ATRNL1: variants seen among roughly 807,000 people sequenced by gnomAD.
The protein encoded by ATRNL1 is attractin-like protein 1.
In ATRNL1, 95 loss-of-function variants were observed where a neutral mutation model predicts 182.7. That is an observed-to-expected ratio of 0.52 (90% CI 0.44 to 0.62). The LOEUF (loss-of-function observed/expected upper bound fraction) is 0.62, where lower values mean the gene tolerates loss of function less well. ATRNL1 is among the 20% of genes least tolerant of loss of function. The probability of loss-of-function intolerance (pLI) is 0.00; values close to 1 mark genes in which losing one functional copy is unlikely to be tolerated. For synonymous variants in ATRNL1, 576 were observed against 568.3 expected (o/e 1.01, Z -0.19); for missense variants, 1,471 against 1,679.5 (o/e 0.88, Z 2.17).
At chr10:115,193,941 A>G (rs553270376) in intron 8 of ATRNL1, among the ~76,000 whole-genome samples, 5 of 151,676 alleles carry the variant, frequency 3.3e-5, no homozygotes, top group African/African-American at 9.7e-5. Flanking sequence ...TTTTCTTCTG[A>G]ATTTCTTCAT....
intron 27 of ATRNL1, among the ~76,000 whole-genome samples, chr10:115,836,928 C>G (rs782411421): frequency 1.1e-4 from 17 of 152,020 alleles, no homozygotes; most frequent in Non-Finnish European, 1.8e-4. Flanking sequence ...GTGGGCGCCA[C>G]CCAATGACAG....
At chr10:115,765,399 T>G (rs897389074) in intron 27 of ATRNL1, among the ~76,000 whole-genome samples, 1 of 152,224 alleles carries the variant, frequency 6.6e-6, no homozygotes, top group Non-Finnish European at 1.5e-5. Context: ...CTGTTTTACT[T>G]TGCATTTCTC....
intron 27 of ATRNL1, among the ~76,000 whole-genome samples, chr10:115,818,463 A>G (rs1421482137): frequency 2.6e-5 from 4 of 152,102 alleles, no homozygotes; most frequent in African/African-American, 7.2e-5. Flanking sequence ...AATGTTTCAT[A>G]GTTTTATTAT....
chr10:115,572,996 G>A (rs1555003920), intron 26 of ATRNL1, among the ~76,000 whole-genome samples: 2 of 152,126 alleles, frequency 1.3e-5, no homozygotes, highest in South Asian at 2.1e-4. Flanking sequence ...CCCCAGTTTT[G>A]CAAAGCTCTT....
At chr10:115,686,497 C>A (rs1334519304) in intron 26 of ATRNL1, among the ~76,000 whole-genome samples, 1 of 151,982 alleles carries the variant, frequency 6.6e-6, no homozygotes, top group Non-Finnish European at 1.5e-5. Flanking sequence ...ATTTTTAGAA[C>A]ACTAACAAAA....
At chr10:115,116,914 A>G (rs1166053462) in intron 1 of ATRNL1, among the ~76,000 whole-genome samples, 1 of 151,968 alleles carries the variant, frequency 6.6e-6, no homozygotes, top group African/African-American at 2.4e-5. Flanking sequence ...GTTGAATAGG[A>G]CGGGACAGGG....
chr10:115,710,719 C>T lies in ATRNL1; in HGVS notation c.3796-16529C>T, dbSNP rs75455730. Among the ~76,000 whole-genome samples the T allele has an allele frequency of 3.6e-3, 545 of 152,012 alleles. 4 individuals are homozygous for T. Among genetic ancestry groups the T allele is most frequent in the African/African-American group, 0.012 (511 of 41,480 alleles). On this transcript the variant is annotated intron_variant, in intron 26 of 28. Transcript: ENST00000355044. ...TAGAGAAGTGAAGCATTTACATACC[C>T]CCAGGTTTTGGCAAAATGTATTCCA...
At chr10:115,920,299 C>T (rs1451086210) in intron 28 of ATRNL1, among the ~76,000 whole-genome samples, 4 of 152,316 alleles carry the variant, frequency 2.6e-5, no homozygotes, top group African/African-American at 9.6e-5. Flanking sequence ...TTATTCTGAT[C>T]TTATCAGGCA....
intron 26 of ATRNL1, chr10:115,597,884 T>C (rs1396155384): frequency 1.7e-5 from 4 of 228,772 alleles, no homozygotes. Context: ...TTGCTGTTCA[T>C]TTCTGTAGTA....
chr10:115,705,324 A>G lies in ATRNL1; in HGVS notation c.3796-21924A>G, dbSNP rs184707371. Among the ~76,000 whole-genome samples, 171 of 152,104 alleles carry G rather than the reference A, an allele frequency of 1.1e-3. 1 individual carries two copies. The highest frequency in any genetic ancestry group is 3.8e-3 in the African/African-American group (158 of 41,546). ...TAATGGATATTTTAGCATTACATCT[A>G]GAAATTTTCTTCACTTCCCAGAAAA... is the stretch of plus-strand genomic sequence containing the variant. On this transcript the variant is annotated intron_variant, in intron 26 of 28. Coordinates refer to ENST00000355044, the MANE Select transcript of ATRNL1 (RefSeq NM_207303.4).
rs1845034175 is a variant in ATRNL1 at position 115,127,701 on chromosome 10, TG to T, written c.602del (p.Gly201ValfsTer63). The T allele has an allele frequency of 6.8e-7, 1 of 1,479,184 alleles. No homozygotes were observed. Among genetic ancestry groups the T allele is most frequent in the South Asian group, 1.4e-5 (1 of 72,312 alleles). 91.6% of individuals were successfully genotyped at this position (1,479,184 alleles called of 1,614,324 possible). ...TTAGTGATGCTGCGTATAATCTAAC[TG>T]GTTTCAACATTTTCTATTCGTAAGT... ...FFSDAAYNLT[G>X]FNIFYSINSC... is the part of the protein sequence containing the mutation. On this transcript the variant is annotated frameshift_variant, in exon 4 of 29. Coordinates refer to ENST00000355044, the MANE Select transcript of ATRNL1 (RefSeq NM_207303.4). LOFTEE classifies it high-confidence loss of function.
At chr10:115,825,846 T>C (rs974506017) in intron 27 of ATRNL1, among the ~76,000 whole-genome samples, 5 of 152,196 alleles carry the variant, frequency 3.3e-5, no homozygotes, top group Middle Eastern at 3.2e-3. Context: ...TTGTATAGCC[T>C]ATGTATCGTT....
chr10:115,833,201 A>G (rs1950597178), intron 27 of ATRNL1, among the ~76,000 whole-genome samples: 2 of 152,316 alleles, frequency 1.3e-5, no homozygotes, highest in South Asian at 4.1e-4. Flanking sequence ...GGTGCTTTAA[A>G]TAAGTTATTG....
chr10:115,265,643 G>A (rs1318036458), intron 11 of ATRNL1, among the ~76,000 whole-genome samples: 1 of 151,552 alleles, frequency 6.6e-6, no homozygotes, highest in Non-Finnish European at 1.5e-5. Context: ...AGGAGAACAA[G>A]GAAAGTGAGA....
Position 115,943,628 on chromosome 10 carries a change from A to C in ATRNL1, c.4019-1030A>C, listed in dbSNP as rs550717953. ...TACAGTTTGGCTTTTTTTTTTTTTAACTAAACTAAAACATAAGCTTACCAT... is the reference window on the plus strand; with the variant it reads ...TACAGTTTGGCTTTTTTTTTTTTTACCTAAACTAAAACATAAGCTTACCAT... On this transcript the variant is annotated intron_variant, in intron 28 of 28. Transcript: ENST00000355044. Among the ~76,000 whole-genome samples, 67 of 150,246 alleles carry C rather than the reference A, an allele frequency of 4.5e-4. No individual in the cohort carries two copies. In the South Asian group the frequency reaches 0.013, roughly 30 times the overall value.
At chr10:115,415,216 T>C (rs1342802024) in intron 20 of ATRNL1, among the ~76,000 whole-genome samples, 1 of 152,074 alleles carries the variant, frequency 6.6e-6, no homozygotes, top group Non-Finnish European at 1.5e-5. Context: ...TTGCTATGCA[T>C]CTGAAATTTT....
chr10:115,589,338 G>A (rs965719629), intron 26 of ATRNL1, among the ~76,000 whole-genome samples: 11 of 151,994 alleles, frequency 7.2e-5, no homozygotes, highest in Non-Finnish European at 1.3e-4. Flanking sequence ...AATAATCTTG[G>A]TCAAAAAGAG....
At chr10:115,559,432 G>GTGTGTGTGTGTGTGTGTA (rs1853536981) in intron 26 of ATRNL1, among the ~76,000 whole-genome samples, 1 of 109,084 alleles carries the variant, frequency 9.2e-6, no homozygotes, top group South Asian at 3.5e-4. Flanking sequence ...GTGTGTGTGT[G>GTGTGTGTGTGTGTGTGTA]TGTGTGTGTG....
At chr10:115,131,188 T>C (rs1845215990) in intron 5 of ATRNL1, among the ~76,000 whole-genome samples, 1 of 152,044 alleles carries the variant, frequency 6.6e-6, no homozygotes, top group Non-Finnish European at 1.5e-5. Flanking sequence ...AGCAAAGTTA[T>C]ATTATCAGTA....
Sources: allele counts gnomAD v4.1 joint callset (sites outside exome capture counted in the v4.1 genomes callset), GRCh38; gene constraint gnomAD v4.1.1; transcripts MANE v1.5; gene names NCBI Gene and HGNC (gene_info 2026-07-23, HGNC 2026-07-21).